CFAP210: variants seen among roughly 807,000 people sequenced by gnomAD.
The protein encoded by CFAP210 is cilia and flagella associated protein 210.
the CFAP210 span, chr2:169,681,129 T>C: frequency 6.2e-7 from 1 of 1,613,964 alleles, no homozygotes; most frequent in Middle Eastern, 1.7e-4. Context: ...CTATCTTGAA[T>C]CCTTTTCCAC....
chr2:169,693,914 G>A, the CFAP210 span, among the ~76,000 whole-genome samples: 2 of 152,028 alleles, frequency 1.3e-5, no homozygotes, highest in Non-Finnish European at 2.9e-5. Context: ...AACTTTAAGC[G>A]TGCGGGAAAT....
At chr2:169,690,065 C>T in the CFAP210 span, among the ~76,000 whole-genome samples, 1 of 152,056 alleles carries the variant, frequency 6.6e-6, no homozygotes, top group Non-Finnish European at 1.5e-5. Flanking sequence ...TGGCTATTTA[C>T]AAGTGTGACC....
At chr2:169,657,652 G>C in the CFAP210 span, among the ~76,000 whole-genome samples, 11 of 152,088 alleles carry the variant, frequency 7.2e-5, no homozygotes, top group Non-Finnish European at 1.5e-4. Flanking sequence ...AGGAGGCAGA[G>C]GTTGCAGCAG....
the CFAP210 span, chr2:169,674,770 C>A: frequency 6.4e-7 from 1 of 1,550,982 alleles, no homozygotes; most frequent in Admixed American, 2.3e-5. Flanking sequence ...GAAGTCCCGA[C>A]TACAAAAGAA....
chr2:169,674,425 G>A, the CFAP210 span: 2 of 612,332 alleles, frequency 3.3e-6, no homozygotes, highest in Non-Finnish European at 5.4e-6. Context: ...ACAATCTCTG[G>A]GTAAGAAAGT....
chr2:169,658,124 C>T, the CFAP210 span: 3 of 151,810 alleles, frequency 2.0e-5, no homozygotes, highest in Admixed American at 6.6e-5. Flanking sequence ...GAGATTTAGC[C>T]CTAGAAAGTA....
At chr2:169,666,236 C>G in the CFAP210 span, among the ~76,000 whole-genome samples, 1 of 151,910 alleles carries the variant, frequency 6.6e-6, no homozygotes, top group African/African-American at 2.4e-5. Flanking sequence ...TAACTCTTCT[C>G]TAATCCTTAG....
the CFAP210 span, among the ~76,000 whole-genome samples, chr2:169,689,710 C>T: frequency 1.1e-4 from 17 of 152,234 alleles, no homozygotes; most frequent in East Asian, 2.9e-3. Context: ...AGTCTATCAC[C>T]ATTAACTATG....
At chr2:169,690,160 C>G in the CFAP210 span, among the ~76,000 whole-genome samples, 25 of 152,248 alleles carry the variant, frequency 1.6e-4, no homozygotes, top group South Asian at 5.0e-3. Context: ...TGTGCCACAT[C>G]TAGCTCATGT....
chr2:169,648,162 CAAAAAAAAAAAAAAAAAAA>C, the CFAP210 span: 1 of 97,958 alleles, frequency 1.0e-5, no homozygotes, highest in Non-Finnish European at 1.8e-5. Flanking sequence ...AACTCTGTCT[CAAAAAAAAAAAAAAAAAAA>C]AAAAAAAAAG....
At chr2:169,684,278 A>G in the CFAP210 span, among the ~76,000 whole-genome samples, 1 of 152,218 alleles carries the variant, frequency 6.6e-6, no homozygotes, top group South Asian at 2.1e-4. Flanking sequence ...TACCTGCCAT[A>G]TTGACACATT....
the CFAP210 span, among the ~76,000 whole-genome samples, chr2:169,691,139 T>C: frequency 6.6e-6 from 1 of 152,194 alleles, no homozygotes; most frequent in African/African-American, 2.4e-5. Context: ...ATAATCTCAA[T>C]TGACTTATCT....
chr2:169,675,883 A>G, the CFAP210 span, among the ~76,000 whole-genome samples: 2 of 151,894 alleles, frequency 1.3e-5, no homozygotes, highest in African/African-American at 4.8e-5. Context: ...TGAGGCCTTC[A>G]CTCCTCATGT....
chr2:169,660,832 G>C, the CFAP210 span: 5 of 272,418 alleles, frequency 1.8e-5, no homozygotes, highest in Non-Finnish European at 3.6e-5. Flanking sequence ...GAACTCCTGA[G>C]CTCAAAGAGA....
the CFAP210 span, among the ~76,000 whole-genome samples, chr2:169,653,062 ATATATG>A: frequency 9.1e-5 from 9 of 98,528 alleles, no homozygotes; most frequent in East Asian, 1.3e-3. Context: ...ATATATATAT[ATATATG>A]TATGTGTGTA....
At chr2:169,662,558 T>C in the CFAP210 span, 1 of 857,396 alleles carries the variant, frequency 1.2e-6, no homozygotes, top group Admixed American at 3.4e-5. Context: ...GTGAATTTCT[T>C]TGGGGGAAAA....
the CFAP210 span, chr2:169,694,241 G>A: frequency 6.2e-7 from 1 of 1,613,304 alleles, no homozygotes; most frequent in Non-Finnish European, 8.5e-7. Flanking sequence ...CCTGTCCCTG[G>A]ATAGGTCAGT....
At chr2:169,645,986 CG>C in the CFAP210 span, 1 of 1,613,946 alleles carries the variant, frequency 6.2e-7, no homozygotes, top group Non-Finnish European at 8.5e-7. Flanking sequence ...CACTGGTCCA[CG>C]GCCACCTCCA....
the CFAP210 span, chr2:169,646,225 A>G: frequency 7.2e-7 from 1 of 1,395,912 alleles, no homozygotes; most frequent in Non-Finnish European, 9.9e-7. Flanking sequence ...ATTGGTTAAG[A>G]ACATGAACTT....
Sources: allele counts gnomAD v4.1 joint callset (sites outside exome capture counted in the v4.1 genomes callset), GRCh38; gene constraint gnomAD v4.1.1; transcripts MANE v1.5; gene names NCBI Gene and HGNC (gene_info 2026-07-23, HGNC 2026-07-21).